PLXNA4: variants seen among roughly 807,000 people sequenced by gnomAD.
PLXNA4 encodes plexin-A4.
A neutral mutation model predicts 191.8 loss-of-function variants in PLXNA4; 44 were observed. The ratio of observed to expected loss-of-function variants is 0.23; its 90% confidence interval spans 0.18 to 0.29. PLXNA4 has a LOEUF of 0.29. PLXNA4 is among the 10% of genes least tolerant of loss of function. The pLI is 1.00. For missense variants in PLXNA4, 1,800 were observed against 2,488.8 expected, an observed-to-expected ratio of 0.72 and a Z score of 5.89; for synonymous variants, 1,082 against 1,009.5, an observed-to-expected ratio of 1.07 and a Z score of -1.36.
At chr7:132,449,337 G>A (rs2117291757) in intron 3 of PLXNA4, among the ~76,000 whole-genome samples, 1 of 152,268 alleles carries the variant, frequency 6.6e-6, no homozygotes, top group Admixed American at 6.5e-5. Flanking sequence ...TGTGCACCTT[G>A]AACAACCCAA....
chr7:132,452,683 A>G (rs977061755), intron 3 of PLXNA4, among the ~76,000 whole-genome samples: 1 of 152,122 alleles, frequency 6.6e-6, no homozygotes, highest in Non-Finnish European at 1.5e-5. Context: ...CCATCTCTTC[A>G]TGGGCAACTC....
intron 5 of PLXNA4, among the ~76,000 whole-genome samples, chr7:132,233,855 T>G (rs1358628002): frequency 3.9e-5 from 6 of 152,222 alleles, no homozygotes; most frequent in Non-Finnish European, 8.8e-5. Context: ...GAACAATCTA[T>G]TGAACAAAAC....
chr7:132,328,261 C>G (rs1249215080), intron 3 of PLXNA4, among the ~76,000 whole-genome samples: 1 of 152,112 alleles, frequency 6.6e-6, no homozygotes, highest in Non-Finnish European at 1.5e-5. Flanking sequence ...CCTCGTCAGC[C>G]TGTCAAGCAG....
chr7:132,620,783 T>A (rs1299660939), intron 2 of PLXNA4, among the ~76,000 whole-genome samples: 1 of 152,238 alleles, frequency 6.6e-6, no homozygotes, highest in Non-Finnish European at 1.5e-5. Flanking sequence ...TACCCTATAT[T>A]TTTAACCATT....
chr7:132,294,991 A>T (rs1400558688), intron 4 of PLXNA4, among the ~76,000 whole-genome samples: 1 of 152,236 alleles, frequency 6.6e-6, no homozygotes, highest in Non-Finnish European at 1.5e-5. Context: ...TCTGTTGTTT[A>T]AGCTCCCCAG....
At chr7:132,311,400 A>G (rs1001908849) in intron 3 of PLXNA4, among the ~76,000 whole-genome samples, 5 of 152,026 alleles carry the variant, frequency 3.3e-5, no homozygotes, top group Admixed American at 2.0e-4. Flanking sequence ...ATGAGCGCTC[A>G]CTGTCTTCCC....
At chr7:132,377,008 A>G (rs1267082368) in intron 3 of PLXNA4, among the ~76,000 whole-genome samples, 5 of 152,092 alleles carry the variant, frequency 3.3e-5, no homozygotes, top group African/African-American at 9.7e-5. Flanking sequence ...GCCAGCAAAA[A>G]CTCCTTTCCC....
chr7:132,432,442 C>G (rs959740960), intron 3 of PLXNA4, among the ~76,000 whole-genome samples: 4 of 152,156 alleles, frequency 2.6e-5, no homozygotes, highest in Admixed American at 2.6e-4. Context: ...TACTGGCAAC[C>G]AGGCAATCAT....
intron 4 of PLXNA4, among the ~76,000 whole-genome samples, chr7:132,284,481 A>T (rs1800608548): frequency 6.6e-6 from 1 of 152,148 alleles, no homozygotes; most frequent in Non-Finnish European, 1.5e-5. Context: ...AGGGAATAGA[A>T]CTTTCTCCAG....
chr7:132,235,344 T>TG (rs977731236), intron 5 of PLXNA4, among the ~76,000 whole-genome samples: 8 of 152,272 alleles, frequency 5.3e-5, no homozygotes, highest in African/African-American at 1.9e-4. Flanking sequence ...AAACCCAGAC[T>TG]GGGTCTGTTC....
At chr7:132,149,021 T>C (rs1488549393) in intron 25 of PLXNA4, among the ~76,000 whole-genome samples, 1 of 152,158 alleles carries the variant, frequency 6.6e-6, no homozygotes, top group Non-Finnish European at 1.5e-5. Context: ...AGTGGCATAG[T>C]TGTGGTAGCG....
chr7:132,564,004 C>T (rs1234759079), intron 1 of PLXNA4, among the ~76,000 whole-genome samples: 2 of 81,634 alleles, frequency 2.4e-5, no homozygotes, highest in African/African-American at 5.1e-5. Flanking sequence ...CCTTCTCCTC[C>T]TCCTTCTCCT....
In PLXNA4 at chr7:132,145,915, CA is replaced by C. The variant is rs397778925; in HGVS notation, c.5055+594del. On this transcript the variant is annotated intron_variant, in intron 28 of 31. Transcript: ENST00000321063. ...TGAAACCCCACCTCTACTAAAAATACAAAAAAAAAAAAAAAAAAAAATTAGC... is the reference window on the plus strand; with the variant it reads ...TGAAACCCCACCTCTACTAAAAATACAAAAAAAAAAAAAAAAAAAATTAGC... Among the ~76,000 whole-genome samples the C allele has an allele frequency of 6.5e-3, 605 of 92,368 alleles. 2 individuals are homozygous for C. The highest frequency in any genetic ancestry group is 0.016 in the East Asian group (51 of 3,276). 60.6% of individuals were successfully genotyped at this position (92,368 alleles called of 152,430 possible).
chr7:132,282,939 C>A (rs1380172568), intron 4 of PLXNA4, among the ~76,000 whole-genome samples: 1 of 151,918 alleles, frequency 6.6e-6, no homozygotes, highest in Non-Finnish European at 1.5e-5. Flanking sequence ...TGCAGTGGCA[C>A]CATCACAGCT....
chr7:132,447,442 C>T (rs73158836), intron 3 of PLXNA4, among the ~76,000 whole-genome samples: 9,010 of 152,162 alleles, frequency 0.059, 487 homozygotes, highest in East Asian at 0.24. Context: ...TCAGCCATAG[C>T]TGGGGTAATT....
rs1467580215 is a variant in PLXNA4, at chr7:132,134,009, C to T, written c.5439-810G>A. 3.3e-5 allele frequency among the ~76,000 whole-genome samples: 5 copies of T among 152,180 alleles called. No individual in the cohort carries two copies. In the East Asian group the frequency reaches 9.6e-4, roughly 29 times the overall value. ...CAGCTCAGCCTAGCCCAATCCAGCC[C>T]ATGCCAAATCCCTGTGGCTGCCATG... is the stretch of plus-strand genomic sequence containing the variant. On this transcript the variant is annotated intron_variant, in intron 30 of 31. Coordinates refer to ENST00000321063, the MANE Select transcript of PLXNA4 (RefSeq NM_020911.2).
At chr7:132,336,738 C>G (rs74677228) in intron 3 of PLXNA4, among the ~76,000 whole-genome samples, 2,118 of 152,360 alleles carry the variant, frequency 0.014, 66 homozygotes, top group African/African-American at 0.048. Context: ...CTGCAAAGCT[C>G]TCTTCACCAA....
At chr7:132,615,614 T>C (rs1803137660) in intron 2 of PLXNA4, among the ~76,000 whole-genome samples, 1 of 152,112 alleles carries the variant, frequency 6.6e-6, no homozygotes, top group Non-Finnish European at 1.5e-5. Flanking sequence ...TATACCTTAT[T>C]CCCTGCTTCT....
intron 1 of PLXNA4, among the ~76,000 whole-genome samples, chr7:132,570,114 T>C (rs1236770411): frequency 2.6e-5 from 4 of 152,242 alleles, no homozygotes; most frequent in South Asian, 2.1e-4. Context: ...AGGAGTATCT[T>C]TAGCTTTGCT....
Sources: gnomAD v4.1 joint callset for allele counts (sites outside exome capture counted in the v4.1 genomes callset) on GRCh38, gnomAD v4.1.1 for gene constraint, MANE v1.5 for transcripts, NCBI Gene and HGNC (gene_info 2026-07-23, HGNC 2026-07-21) for gene names.